The following CNTNAP2 variants were observed in gnomAD, a reference collection of about 807,000 sequenced individuals.
CNTNAP2 encodes the protein contactin associated protein 2.
A neutral mutation model predicts 155.2 loss-of-function variants in CNTNAP2; 98 were observed. The observed-to-expected ratio is 0.63, with a 90% CI of 0.54 to 0.75. The LOEUF (loss-of-function observed/expected upper bound fraction) is 0.75. Ranked by LOEUF, CNTNAP2 falls within the 30% of genes least tolerant of loss-of-function variation. The pLI is 0.00. For synonymous variants in CNTNAP2, 651 were observed against 631.2 expected, an observed-to-expected ratio of 1.03 and a Z score of -0.47; for missense variants, 1,727 against 1,688.1, an observed-to-expected ratio of 1.02 and a Z score of -0.40.
At chr7:146,535,038 TGTA>T (rs903741869) in intron 1 of CNTNAP2, among the ~76,000 whole-genome samples, 1 of 99,364 alleles carries the variant, frequency 1.0e-5, no homozygotes, top group Non-Finnish European at 2.1e-5. Flanking sequence ...TCTAATAAAA[TGTA>T]GTTTTAATTT....
At chr7:147,851,316 T>A (rs1798935023) in intron 13 of CNTNAP2, among the ~76,000 whole-genome samples, 1 of 152,210 alleles carries the variant, frequency 6.6e-6, no homozygotes, top group Admixed American at 6.5e-5. Flanking sequence ...ACTTTTACAC[T>A]GTTGGTGGGA....
intron 1 of CNTNAP2, among the ~76,000 whole-genome samples, chr7:146,555,862 T>A (rs1798191200): frequency 6.6e-6 from 1 of 152,154 alleles, no homozygotes; most frequent in South Asian, 2.1e-4. Flanking sequence ...ACACATTTTT[T>A]TTCTTGTAAA....
intron 12 of CNTNAP2, among the ~76,000 whole-genome samples, chr7:147,614,517 T>C (rs1801245767): frequency 6.6e-6 from 1 of 151,936 alleles, no homozygotes; most frequent in Non-Finnish European, 1.5e-5. Flanking sequence ...ATTGTTCTTA[T>C]ATTGAATAAT....
intron 1 of CNTNAP2, among the ~76,000 whole-genome samples, chr7:146,187,509 A>G (rs1441503578): frequency 2.0e-5 from 3 of 152,194 alleles, no homozygotes; most frequent in Non-Finnish European, 4.4e-5. Context: ...CACAGAATCA[A>G]ATCCCATAAA....
Position 148,394,992 on chromosome 7 carries a change from C to A in CNTNAP2, c.3715+11104C>A, listed in dbSNP as rs1328862152. 5.9e-5 allele frequency among the ~76,000 whole-genome samples: 9 copies of A among 152,212 alleles called. No homozygotes were observed. The South Asian group carries it at 6.2e-4, about 11-fold the overall frequency. On this transcript the variant is annotated intron_variant, in intron 22 of 23. Coordinates refer to ENST00000361727, the MANE Select transcript of CNTNAP2 (RefSeq NM_014141.6). ...TCTAGGATAATACCCGTTATTTTAT[C>A]TTTTTCTAGAAATTCGTGCATTTAA...
rs144767373 is a variant in CNTNAP2 at position 146,313,833 on chromosome 7, T to C, written c.97+196860T>C. On this transcript the variant is annotated intron_variant, in intron 1 of 23. Transcript: ENST00000361727. ...GGCCAACATGCTGAAACTCCGTCTC[T>C]ACTAAGAACACAAAAATTAGCCAGG... 2.9e-3 allele frequency among the ~76,000 whole-genome samples: 449 copies of C among 152,214 alleles called. 2 individuals carry two copies. Among genetic ancestry groups the C allele is most frequent in the Middle Eastern group, 0.014 (4 of 294 alleles).
At chr7:146,770,151 C>A (rs1802266791) in intron 1 of CNTNAP2, among the ~76,000 whole-genome samples, 1 of 151,934 alleles carries the variant, frequency 6.6e-6, no homozygotes, top group Non-Finnish European at 1.5e-5. Context: ...GAATTTTAAA[C>A]CATTTTTATT....
At position 146,915,548 on chromosome 7, in the gene CNTNAP2, TAA is replaced by T. The variant is rs888943463; in HGVS notation, c.402+75645_402+75646del. On this transcript the variant is annotated intron_variant, in intron 3 of 23. Coordinates refer to ENST00000361727, the MANE Select transcript of CNTNAP2 (RefSeq NM_014141.6). ...TTCACCTCCTTGATTAAGTATATTC[TAA>T]GTTTTTTTGTTCGTTTGTTTGTTTG... Among the ~76,000 whole-genome samples the T allele has an allele frequency of 1.6e-4, 25 of 151,758 alleles. 1 individual carries two copies. The highest frequency in any genetic ancestry group is 6.0e-4 in the African/African-American group (25 of 41,396).
chr7:147,012,507 T>C (rs1798645932), intron 3 of CNTNAP2, among the ~76,000 whole-genome samples: 1 of 152,134 alleles, frequency 6.6e-6, no homozygotes, highest in Admixed American at 6.6e-5. Context: ...GTACTAATAT[T>C]AAGGAGTAAA....
At chr7:146,475,540 G>A (rs141136258) in intron 1 of CNTNAP2, among the ~76,000 whole-genome samples, 10 of 152,268 alleles carry the variant, frequency 6.6e-5, no homozygotes, top group African/African-American at 2.2e-4. Context: ...GCCATTGAGT[G>A]GTTTGGACAG....
At chr7:148,407,828 G>A (rs923852254) in intron 22 of CNTNAP2, among the ~76,000 whole-genome samples, 4 of 151,610 alleles carry the variant, frequency 2.6e-5, no homozygotes, top group Non-Finnish European at 4.4e-5. Context: ...CAAGAGTTAA[G>A]TTCACTTTCA....
intron 1 of CNTNAP2, among the ~76,000 whole-genome samples, chr7:146,205,121 G>T (rs1798926051): frequency 6.6e-6 from 1 of 151,916 alleles, no homozygotes; most frequent in African/African-American, 2.4e-5. Context: ...TAAATATGAA[G>T]ATATCTAGAA....
chr7:147,173,175 A>G (rs997675789), intron 8 of CNTNAP2, among the ~76,000 whole-genome samples: 2 of 152,172 alleles, frequency 1.3e-5, no homozygotes, highest in African/African-American at 4.8e-5. Flanking sequence ...GAGTCCTAAA[A>G]CAGGGAAATG....
chr7:146,184,364 G>A (rs572086414), intron 1 of CNTNAP2, among the ~76,000 whole-genome samples: 1 of 152,140 alleles, frequency 6.6e-6, no homozygotes, highest in African/African-American at 2.4e-5. Context: ...ATGAGATAGT[G>A]TGGAACATAA....
chr7:147,034,951 C>G (rs1799119553), intron 3 of CNTNAP2, among the ~76,000 whole-genome samples: 1 of 147,676 alleles, frequency 6.8e-6, no homozygotes, highest in Non-Finnish European at 1.5e-5. Context: ...TGCCTGTCTG[C>G]ACTTAGTTCC....
At chr7:146,978,840 C>G (rs1264492871) in intron 3 of CNTNAP2, among the ~76,000 whole-genome samples, 1 of 152,068 alleles carries the variant, frequency 6.6e-6, no homozygotes, top group Non-Finnish European at 1.5e-5. Context: ...AAGTAGCTCT[C>G]AGTGCATTGG....
chr7:147,465,273 A>T (rs1798101274), intron 10 of CNTNAP2, among the ~76,000 whole-genome samples: 1 of 152,176 alleles, frequency 6.6e-6, no homozygotes, highest in Non-Finnish European at 1.5e-5. Flanking sequence ...CAATATACCC[A>T]TGTAACAATC....
chr7:146,264,590 A>G (rs143563089), intron 1 of CNTNAP2, among the ~76,000 whole-genome samples: 20 of 152,342 alleles, frequency 1.3e-4, no homozygotes, highest in African/African-American at 4.1e-4. Flanking sequence ...GAGCAATCCA[A>G]ACGTTGACAA....
chr7:147,482,360 T>G (rs1798435679), intron 10 of CNTNAP2, among the ~76,000 whole-genome samples: 1 of 152,082 alleles, frequency 6.6e-6, no homozygotes, highest in Non-Finnish European at 1.5e-5. Flanking sequence ...GGTTAGGAAA[T>G]AAAACATTTT....
Sources: allele counts gnomAD v4.1 joint callset (sites outside exome capture counted in the v4.1 genomes callset), GRCh38; gene constraint gnomAD v4.1.1; transcripts MANE v1.5; gene names NCBI Gene and HGNC (gene_info 2026-07-23, HGNC 2026-07-21).